RHOT1: variants seen among roughly 807,000 people sequenced by gnomAD.
The protein encoded by RHOT1 is ras homolog family member T1.
Under a neutral mutation model 95.3 loss-of-function variants are expected in RHOT1, and 27 were observed. The observed-to-expected ratio is 0.28, with a 90% CI of 0.21 to 0.39. The LOEUF (loss-of-function observed/expected upper bound fraction) is 0.39, where lower values mean the gene tolerates loss of function less well. Ranked by LOEUF, RHOT1 falls within the 10% of genes least tolerant of loss-of-function variation. The pLI is 1.00. For missense variants in RHOT1, 578 were observed against 786.7 expected (o/e 0.73, Z 3.17); for synonymous variants, 227 against 263.5 (o/e 0.86, Z 1.34).
chr17:32,217,311 T>G (rs1264966146), intron 19 of RHOT1, among the ~76,000 whole-genome samples: 1 of 152,254 alleles, frequency 6.6e-6, no homozygotes, highest in Non-Finnish European at 1.5e-5. Flanking sequence ...TATTGATTCC[T>G]TAACCTATTT....
chr17:32,192,332 CTTTTTTT>C (rs397857197), intron 9 of RHOT1, 33 bp downstream of exon 9: 598 of 542,466 alleles, frequency 1.1e-3, no homozygotes, highest in East Asian at 1.7e-3. Flanking sequence ...ATTTGCGTAT[CTTTTTTT>C]TTTTTTTTTT....
intron 11 of RHOT1, 146 bp downstream of exon 11, chr17:32,194,253 T>A: frequency 1.3e-6 from 1 of 760,592 alleles, no homozygotes; most frequent in South Asian, 1.8e-5. Context: ...TTAAAGGCAT[T>A]GAGCCATGCC....
chr17:32,174,503 G>A (rs2034839325), intron 3 of RHOT1, among the ~76,000 whole-genome samples: 1 of 152,132 alleles, frequency 6.6e-6, no homozygotes, highest in Admixed American at 6.5e-5. Flanking sequence ...TCTTCAATAT[G>A]TGTAGCCATA....
intron 1 of RHOT1, among the ~76,000 whole-genome samples, chr17:32,157,845 G>A (rs753032251): frequency 1.1e-4 from 16 of 151,746 alleles, no homozygotes; most frequent in African/African-American, 1.9e-4. Context: ...AAAAGAATAC[G>A]TGTGTCTTAA....
At chr17:32,197,621 G>A (rs1216408578) in intron 11 of RHOT1, among the ~76,000 whole-genome samples, 1 of 151,894 alleles carries the variant, frequency 6.6e-6, no homozygotes, top group Non-Finnish European at 1.5e-5. Flanking sequence ...GTAGAGACGG[G>A]GTTTCACCGT....
chr17:32,194,828 C>CTTTTTTTTTT (rs11357987), intron 11 of RHOT1, among the ~76,000 whole-genome samples: 10 of 125,296 alleles, frequency 8.0e-5, no homozygotes, highest in Non-Finnish European at 1.0e-4. Flanking sequence ...CTTTTTCTTT[C>CTTTTTTTTTT]TTTTTTTTTT....
intron 17 of RHOT1, 79 bp downstream of exon 17, chr17:32,207,108 C>T (rs1376301692): frequency 7.5e-7 from 1 of 1,338,482 alleles, no homozygotes; most frequent in Non-Finnish European, 1.0e-6. Flanking sequence ...TGTTTCCTAA[C>T]CACAAAAATG....
intron 8 of RHOT1, among the ~76,000 whole-genome samples, chr17:32,187,937 A>G (rs549746101): frequency 3.5e-4 from 53 of 152,302 alleles, no homozygotes; most frequent in African/African-American, 1.2e-3. Flanking sequence ...ATTACATTCA[A>G]ATTTTATCAT....
intron 8 of RHOT1, among the ~76,000 whole-genome samples, chr17:32,189,559 C>G (rs181447815): frequency 6.6e-6 from 1 of 152,038 alleles, no homozygotes; most frequent in Non-Finnish European, 1.5e-5. Context: ...ATCCCCACCC[C>G]CATCCCACAA....
chr17:32,199,311 T>G, intron 12 of RHOT1, 94 bp from the exon 13 acceptor site: 1 of 1,200,592 alleles, frequency 8.3e-7, no homozygotes. Flanking sequence ...ATTAAGTAGT[T>G]TTAAAAAGCA....
intron 1 of RHOT1, among the ~76,000 whole-genome samples, chr17:32,153,001 C>T (rs2032512881): frequency 6.6e-6 from 1 of 152,048 alleles, no homozygotes. Flanking sequence ...AGAGTTTCAC[C>T]ATGTTGTCCA....
chr17:32,193,076 A>T (rs1437845139), intron 9 of RHOT1, 60 bp from the exon 10 acceptor site: 56 of 974,486 alleles, frequency 5.7e-5, no homozygotes, highest in Non-Finnish European at 8.6e-5. Flanking sequence ...TTATCATTTT[A>T]TATTATTTGT....
intron 1 of RHOT1, among the ~76,000 whole-genome samples, chr17:32,146,507 G>T (rs552440035): frequency 1.3e-5 from 2 of 150,868 alleles, no homozygotes; most frequent in Non-Finnish European, 3.0e-5. Flanking sequence ...GTGCAGTGGC[G>T]CGATCTCGGC....
Position 32,195,825 on chromosome 17 carries a change from T to C in RHOT1, c.869+1718T>C, listed in dbSNP as rs565071673. 3.9e-5 allele frequency among the ~76,000 whole-genome samples: 6 copies of C among 152,336 alleles called. No individual in the cohort carries two copies. In the South Asian group the frequency reaches 1.2e-3, roughly 32 times the overall value. ...TTTCCTAGATTTTTCAATAAATATA[T>C]ACTAAATGAATGAATTTGTTATAGG... On this transcript the variant is annotated intron_variant, in intron 11 of 19. Transcript: ENST00000545287.
intron 11 of RHOT1, among the ~76,000 whole-genome samples, chr17:32,194,355 G>A (rs2036710998): frequency 1.3e-5 from 2 of 152,166 alleles, no homozygotes; most frequent in African/African-American, 4.8e-5. Context: ...AGCTAATTGG[G>A]AATATTTTAG....
intron 19 of RHOT1, among the ~76,000 whole-genome samples, chr17:32,221,880 TGCTTGAGC>T (rs2038854240): frequency 6.6e-6 from 1 of 152,112 alleles, no homozygotes; most frequent in Admixed American, 6.5e-5. Context: ...GTGGAAGGAT[TGCTTGAGC>T]TCAGGAGTTC....
chr17:32,219,154 G>T (rs192428654), intron 19 of RHOT1, among the ~76,000 whole-genome samples: 35 of 152,304 alleles, frequency 2.3e-4, no homozygotes, highest in Non-Finnish European at 4.4e-5. Flanking sequence ...GAGAAATTGT[G>T]TGGGAAGACT....
intron 11 of RHOT1, 70 bp from the exon 12 acceptor site, chr17:32,198,877 A>C (rs1339704570): frequency 9.6e-7 from 1 of 1,041,688 alleles, no homozygotes; most frequent in Non-Finnish European, 1.5e-6. Flanking sequence ...ACTTGTTGCA[A>C]TTTTATATTA....
intron 14 of RHOT1, among the ~76,000 whole-genome samples, chr17:32,202,306 G>T (rs2037384867): frequency 6.6e-6 from 1 of 152,260 alleles, no homozygotes; most frequent in Non-Finnish European, 1.5e-5. Flanking sequence ...CATTTGAAAG[G>T]ACGGCTAACC....
Sources: gnomAD v4.1 joint callset for allele counts (sites outside exome capture counted in the v4.1 genomes callset) on GRCh38, gnomAD v4.1.1 for gene constraint, MANE v1.5 for transcripts, NCBI Gene and HGNC (gene_info 2026-07-23, HGNC 2026-07-21) for gene names.